The following EPB41L5 variants were observed in gnomAD, a reference collection of about 807,000 sequenced individuals.
EPB41L5 encodes erythrocyte membrane protein band 4.1 like 5.
A neutral mutation model predicts 106.6 loss-of-function variants in EPB41L5; 55 were observed. The ratio of observed to expected loss-of-function variants is 0.52; its 90% CI spans 0.42 to 0.65. The LOEUF is 0.65. Among genes scored for constraint, EPB41L5 ranks in the 30% least tolerant of loss-of-function variants. The pLI is 0.00. For missense variants in EPB41L5, 871 were observed against 882.1 expected (o/e 0.99, Z 0.16); for synonymous variants, 297 against 306.7 (o/e 0.97, Z 0.33).
intron 16 of EPB41L5, among the ~76,000 whole-genome samples, chr2:120,127,343 A>G (rs1685499580): frequency 6.6e-6 from 1 of 152,106 alleles, no homozygotes; most frequent in Non-Finnish European, 1.5e-5. Flanking sequence ...CTCAGTATCC[A>G]TGGAGGATAG....
At chr2:120,174,468 G>GA (rs36027189) in intron 24 of EPB41L5, among the ~76,000 whole-genome samples, 91,882 of 147,270 alleles carry the variant, frequency 0.62, 30,072 homozygotes, top group Middle Eastern at 0.76. Context: ...CCGTCTCACA[G>GA]AAAAAAAAAA....
intron 10 of EPB41L5, 116 bp from the exon 11 acceptor site, chr2:120,087,055 G>T (rs1437796332): frequency 1.7e-6 from 1 of 599,168 alleles, no homozygotes; most frequent in African/African-American, 1.9e-5. Context: ...TTACCGTCCT[G>T]TCAATTTTTA....
chr2:120,167,599 A>G, intron 23 of EPB41L5, 92 bp downstream of exon 23: 2 of 1,356,910 alleles, frequency 1.5e-6, no homozygotes, highest in East Asian at 2.3e-5. Flanking sequence ...CCTTAAAAAC[A>G]TGAGGGTTGT....
At chr2:120,105,904 T>C in intron 16 of EPB41L5, 1 of 985,070 alleles carries the variant, frequency 1.0e-6, no homozygotes, top group Non-Finnish European at 1.2e-6. Context: ...TTCATGGGTA[T>C]GTATATCATT....
chr2:120,105,957 T>A, intron 16 of EPB41L5: 3 of 985,410 alleles, frequency 3.0e-6, no homozygotes, highest in Non-Finnish European at 3.6e-6. Context: ...AGAGGCACAA[T>A]GAAGTTGTAA....
intron 2 of EPB41L5, among the ~76,000 whole-genome samples, chr2:120,036,967 T>C (rs1679078199): frequency 6.6e-6 from 1 of 152,070 alleles, no homozygotes; most frequent in Non-Finnish European, 1.5e-5. Flanking sequence ...TTCAACATAG[T>C]ACTGGAACTT....
At chr2:120,047,203 C>G (rs1036120284) in intron 3 of EPB41L5, among the ~76,000 whole-genome samples, 1 of 152,118 alleles carries the variant, frequency 6.6e-6, no homozygotes, top group African/African-American at 2.4e-5. Flanking sequence ...TGAAGAAAGT[C>G]ATTGTTAGCT....
chr2:120,122,773 G>A (rs1288786656), intron 16 of EPB41L5, among the ~76,000 whole-genome samples: 3 of 152,132 alleles, frequency 2.0e-5, no homozygotes, highest in African/African-American at 7.2e-5. Context: ...GGGCAGTATG[G>A]CCATTTTCAC....
chr2:120,022,434 T>G (rs1195288811), intron 2 of EPB41L5, among the ~76,000 whole-genome samples: 1 of 150,710 alleles, frequency 6.6e-6, no homozygotes, highest in African/African-American at 2.4e-5. Context: ...ACATGTGGTG[T>G]TTGGTTTTCT....
chr2:120,079,185 T>C (rs1255089534), intron 10 of EPB41L5, among the ~76,000 whole-genome samples: 1 of 152,180 alleles, frequency 6.6e-6, no homozygotes, highest in Non-Finnish European at 1.5e-5. Context: ...TGTTTACTTT[T>C]GTACACTAGA....
At chr2:120,105,966 A>G in intron 16 of EPB41L5, 5 of 985,408 alleles carry the variant, frequency 5.1e-6, no homozygotes, top group Non-Finnish European at 6.0e-6. Context: ...ATGAAGTTGT[A>G]AGATTTGACT....
At chr2:120,157,797 AC>A (rs1268009502) in intron 20 of EPB41L5, among the ~76,000 whole-genome samples, 1 of 151,740 alleles carries the variant, frequency 6.6e-6, no homozygotes, top group Non-Finnish European at 1.5e-5. Flanking sequence ...ATCCAAAAAA[AC>A]CACAAAAGAT....
At chr2:120,134,517 G>A (rs1685838986) in intron 18 of EPB41L5, among the ~76,000 whole-genome samples, 1 of 152,190 alleles carries the variant, frequency 6.6e-6, no homozygotes, top group Non-Finnish European at 1.5e-5. Flanking sequence ...TCACTGGCAG[G>A]TCTGACTCAG....
At chr2:120,052,615 A>G (rs1680362151) in intron 3 of EPB41L5, among the ~76,000 whole-genome samples, 1 of 152,114 alleles carries the variant, frequency 6.6e-6, no homozygotes, top group Non-Finnish European at 1.5e-5. Context: ...TTTCCCACGT[A>G]TGGTCAATGG....
chr2:120,137,193 T>G (rs1330171719), intron 18 of EPB41L5, among the ~76,000 whole-genome samples: 1 of 151,910 alleles, frequency 6.6e-6, no homozygotes, highest in African/African-American at 2.4e-5. Flanking sequence ...CAAAACATAC[T>G]AAAATCTATC....
At chr2:120,031,654 A>G (rs1444683030) in intron 2 of EPB41L5, among the ~76,000 whole-genome samples, 2 of 152,184 alleles carry the variant, frequency 1.3e-5, no homozygotes, top group Non-Finnish European at 2.9e-5. Context: ...TCCATATTCT[A>G]CACACTCTGA....
intron 17 of EPB41L5, among the ~76,000 whole-genome samples, chr2:120,129,832 C>T (rs1239799294): frequency 6.6e-6 from 1 of 152,122 alleles, no homozygotes. Context: ...AGTTTTTTAA[C>T]TGTTTATGCT....
chr2:120,138,165 G>A (rs1187044012), intron 18 of EPB41L5, among the ~76,000 whole-genome samples: 1 of 151,674 alleles, frequency 6.6e-6, no homozygotes, highest in Non-Finnish European at 1.5e-5. Context: ...ATCCCTTTGT[G>A]ATTAAGAAAA....
At chr2:120,053,356 A>T (rs918562645) in intron 3 of EPB41L5, among the ~76,000 whole-genome samples, 1 of 152,202 alleles carries the variant, frequency 6.6e-6, no homozygotes, top group Non-Finnish European at 1.5e-5. Flanking sequence ...AAAAAAAGAC[A>T]ATTTACATAC....
Sources: gnomAD v4.1 joint callset for allele counts (sites outside exome capture counted in the v4.1 genomes callset) on GRCh38, gnomAD v4.1.1 for gene constraint, MANE v1.5 for transcripts, NCBI Gene and HGNC (gene_info 2026-07-23, HGNC 2026-07-21) for gene names.